The following MYOF variants were observed in gnomAD, a reference collection of about 807,000 sequenced individuals.
The protein encoded by MYOF is fer-1-like 3, myoferlin.
MYOF carries 244 observed loss-of-function variants against 284.2 expected under a neutral mutation model. The ratio of observed to expected loss-of-function variants is 0.86; its 90% CI spans 0.77 to 0.95. MYOF has a LOEUF of 0.95. Among genes scored for constraint, MYOF ranks in the 40% least tolerant of loss-of-function variants. MYOF has a pLI of 0.00. For missense variants in MYOF, 2,496 were observed against 2,560.6 expected, an observed-to-expected ratio of 0.97 and a Z score of 0.54; for synonymous variants, 904 against 919.7, an observed-to-expected ratio of 0.98 and a Z score of 0.31.
intron 1 of MYOF, among the ~76,000 whole-genome samples, chr10:93,478,654 G>A (rs901351433): frequency 1.2e-4 from 16 of 129,218 alleles, no homozygotes; most frequent in African/African-American, 4.5e-4. Context: ...AACAGAGTGA[G>A]GCCCTGTCTC....
intron 22 of MYOF, among the ~76,000 whole-genome samples, chr10:93,375,240 A>T (rs1017593483): frequency 3.9e-5 from 6 of 152,274 alleles, no homozygotes; most frequent in Non-Finnish European, 8.8e-5. Flanking sequence ...GTCACTGGAA[A>T]GAAGATGGAA....
intron 22 of MYOF, among the ~76,000 whole-genome samples, chr10:93,376,072 G>A (rs1209084260): frequency 2.0e-5 from 3 of 152,174 alleles, no homozygotes; most frequent in African/African-American, 7.2e-5. Flanking sequence ...TGAATTTCCT[G>A]TTACATAAAG....
chr10:93,459,972 G>A (rs1564736205), intron 1 of MYOF, among the ~76,000 whole-genome samples: 3 of 152,160 alleles, frequency 2.0e-5, no homozygotes, highest in South Asian at 4.1e-4. Flanking sequence ...TGAGACCATG[G>A]CGGTCCTTCA....
intron 27 of MYOF, 41 bp from the exon 28 acceptor site, chr10:93,361,598 A>G (rs1364342646): frequency 6.2e-7 from 1 of 1,604,406 alleles, no homozygotes; most frequent in African/African-American, 1.3e-5. Flanking sequence ...GAGGTAAGCC[A>G]TAGTGTCAGT....
chr10:93,401,379 T>A (rs780513521), intron 12 of MYOF, 39 bp downstream of exon 12: 1 of 1,607,818 alleles, frequency 6.2e-7, no homozygotes, highest in Non-Finnish European at 8.5e-7. Context: ...ATCACACACA[T>A]AATCAACAAT....
intron 53 of MYOF, among the ~76,000 whole-genome samples, chr10:93,308,194 G>C (rs113268929): frequency 0.028 from 4,276 of 151,354 alleles, 106 homozygotes; most frequent in South Asian, 0.097. Flanking sequence ...AGTGAGCCAA[G>C]ATTGCGCCAC....
chr10:93,379,850 AAG>A lies in MYOF; in HGVS notation c.2001+11_2001+12del. 6.2e-7 allele frequency: 1 copy of A among 1,613,050 alleles called. No homozygotes were observed. Among genetic ancestry groups the A allele is most frequent in the Non-Finnish European group, 8.5e-7 (1 of 1,179,192 alleles). On this transcript the variant is annotated intron_variant, in intron 21 of 53. Transcript: ENST00000359263. ...GCTTGGTGAAAAGGAAATGCAGAAA[AAG>A]AGAAACTTACCAGCCGTTCTGCCAT...
chr10:93,377,709 A>AG (rs1333122213), intron 21 of MYOF, among the ~76,000 whole-genome samples: 1 of 152,054 alleles, frequency 6.6e-6, no homozygotes, highest in Non-Finnish European at 1.5e-5. Context: ...GTTAAAAGGC[A>AG]GAAAAAAAAA....
chr10:93,361,666 T>G (rs2133929477), intron 27 of MYOF, 109 bp from the exon 28 acceptor site: 1 of 872,402 alleles, frequency 1.1e-6, no homozygotes, highest in Non-Finnish European at 1.8e-6. Flanking sequence ...CACCTTTACT[T>G]AGATACCATC....
chr10:93,348,365 C>T (rs967743898), intron 36 of MYOF, among the ~76,000 whole-genome samples: 1 of 152,186 alleles, frequency 6.6e-6, no homozygotes, highest in Non-Finnish European at 1.5e-5. Context: ...CCTCAACTCC[C>T]CCTGGCTCCC....
chr10:93,482,074 G>T, intron 1 of MYOF, 33 bp downstream of exon 1: 5 of 1,572,256 alleles, frequency 3.2e-6, no homozygotes, highest in Non-Finnish European at 4.4e-6. Context: ...TTCCAAAACA[G>T]GACTTCAGAA....
At chr10:93,307,843 T>TCAAACTCCTGACCTCAGGTGATC (rs1296298815) in intron 53 of MYOF, among the ~76,000 whole-genome samples, 7 of 149,226 alleles carry the variant, frequency 4.7e-5, no homozygotes, top group Admixed American at 4.0e-4. Flanking sequence ...CAGGCTGGTC[T>TCAAACTCCTGACCTCAGGTGATC]CAAACTCCTG....
intron 1 of MYOF, 85 bp downstream of exon 1, chr10:93,482,022 C>A: frequency 2.3e-6 from 3 of 1,327,016 alleles, no homozygotes; most frequent in Non-Finnish European, 3.2e-6. Context: ...CATCAGCTGT[C>A]TAAATGCAGA....
intron 23 of MYOF, among the ~76,000 whole-genome samples, chr10:93,374,410 C>T (rs1222665316): frequency 1.3e-5 from 2 of 152,106 alleles, no homozygotes; most frequent in Non-Finnish European, 2.9e-5. Flanking sequence ...ATGGTAGAAC[C>T]AAGGTTCAAA....
At chr10:93,321,571 T>C (rs1349835474) in intron 48 of MYOF, among the ~76,000 whole-genome samples, 4 of 151,962 alleles carry the variant, frequency 2.6e-5, no homozygotes, top group African/African-American at 9.7e-5. Flanking sequence ...CTATTAACTT[T>C]TAAGGTAACT....
chr10:93,395,335 C>T (rs1459620254), intron 16 of MYOF, among the ~76,000 whole-genome samples: 1 of 152,086 alleles, frequency 6.6e-6, no homozygotes, highest in South Asian at 2.1e-4. Flanking sequence ...CCCAGCTACT[C>T]GGGAGGCTGA....
chr10:93,401,395 G>A (rs1399630803), intron 12 of MYOF, 23 bp downstream of exon 12: 2 of 1,609,832 alleles, frequency 1.2e-6, no homozygotes, highest in African/African-American at 2.7e-5. Flanking sequence ...ACAATTCTGG[G>A]GCAAGATTAA....
rs1842858181 is a variant in MYOF, at chr10:93,321,921, G to GTACTT, written c.5456+1152_5456+1156dup. The stretch of plus-strand genomic sequence containing the variant: ...AGATTTTTATTCCAAATTTTGCAAG[G>GTACTT]TACTTTAAGTTGAGCTTTATTCTCT... On this transcript the variant is annotated intron_variant, in intron 48 of 53. Coordinates refer to ENST00000359263, the MANE Select transcript of MYOF (RefSeq NM_013451.4). 2.0e-5 allele frequency among the ~76,000 whole-genome samples: 3 copies of GTACTT among 151,536 alleles called. No individual in the cohort carries two copies. In the South Asian group the frequency reaches 6.3e-4, roughly 32 times the overall value.
intron 29 of MYOF, among the ~76,000 whole-genome samples, chr10:93,359,160 G>A (rs751209037): frequency 6.6e-6 from 1 of 152,102 alleles, no homozygotes; most frequent in Non-Finnish European, 1.5e-5. Flanking sequence ...CTTAGCCCGG[G>A]TTCCAGCACC....
Sources: allele counts gnomAD v4.1 joint callset (sites outside exome capture counted in the v4.1 genomes callset), GRCh38; gene constraint gnomAD v4.1.1; transcripts MANE v1.5; gene names NCBI Gene and HGNC (gene_info 2026-07-23, HGNC 2026-07-21).